The following PHYHIPL variants were observed in gnomAD, a reference collection of about 807,000 sequenced individuals.
PHYHIPL encodes the protein phytanoyl-CoA 2-hydroxylase interacting protein like.
In PHYHIPL, 9 loss-of-function variants were observed where a neutral mutation model predicts 33.4. The ratio of observed to expected loss-of-function variants is 0.27; its 90% CI spans 0.16 to 0.47. The LOEUF (loss-of-function observed/expected upper bound fraction) is 0.47, where lower values mean the gene tolerates loss of function less well. Ranked by LOEUF, PHYHIPL falls within the 20% of genes least tolerant of loss-of-function variation. PHYHIPL has a pLI of 0.99. For synonymous variants in PHYHIPL, 153 were observed against 154.1 expected, an observed-to-expected ratio of 0.99 and a Z score of 0.05; for missense variants, 365 against 460.7, an observed-to-expected ratio of 0.79 and a Z score of 1.90.
chr10:59,242,821 A>G (rs1840450478), intron 4 of PHYHIPL, among the ~76,000 whole-genome samples: 1 of 152,238 alleles, frequency 6.6e-6, no homozygotes, highest in Non-Finnish European at 1.5e-5. Context: ...GAAAAAAATC[A>G]GTAAACTTGA....
At chr10:59,181,309 A>G (rs1008725973) in intron 1 of PHYHIPL, among the ~76,000 whole-genome samples, 2 of 152,094 alleles carry the variant, frequency 1.3e-5, no homozygotes, top group African/African-American at 4.8e-5. Context: ...TCTTAATTTC[A>G]GTTACATGTT....
intron 1 of PHYHIPL, among the ~76,000 whole-genome samples, chr10:59,187,207 A>G (rs1297416774): frequency 6.6e-6 from 1 of 152,192 alleles, no homozygotes; most frequent in East Asian, 1.9e-4. Flanking sequence ...CCTTTTCTGC[A>G]TCTATTGAGA....
At chr10:59,237,121 G>A (rs1318718866) in intron 3 of PHYHIPL, among the ~76,000 whole-genome samples, 1 of 151,214 alleles carries the variant, frequency 6.6e-6, no homozygotes, top group South Asian at 2.1e-4. Flanking sequence ...AATGTTACTA[G>A]ATTTTTCACT....
rs150297928 is a variant in PHYHIPL at position 59,187,320 on chromosome 10, G to A, written c.106+10361G>A. On this transcript the variant is annotated intron_variant, in intron 1 of 4. Coordinates refer to ENST00000373880, the MANE Select transcript of PHYHIPL (RefSeq NM_032439.4). ...TGCATCCCAGGGATGAAGCCGACTTGATTATGGTGGATGAGCTTTTTGATG... is the reference window on the plus strand; with the variant it reads ...TGCATCCCAGGGATGAAGCCGACTTAATTATGGTGGATGAGCTTTTTGATG... Among the ~76,000 whole-genome samples the A allele has an allele frequency of 3.2e-3, 485 of 152,284 alleles. 2 individuals are homozygous for A. Among genetic ancestry groups the A allele is most frequent in the African/African-American group, 0.011 (446 of 41,556 alleles).
intron 1 of PHYHIPL, among the ~76,000 whole-genome samples, chr10:59,228,615 C>T (rs546154148): frequency 6.6e-6 from 1 of 152,226 alleles, no homozygotes; most frequent in South Asian, 2.1e-4. Context: ...AACACACATA[C>T]ACGTAATTAC....
Position 59,236,471 on chromosome 10 carries a change from T to C in PHYHIPL, c.304-12T>C, listed in dbSNP as rs372583031. 15 of 1,530,622 alleles carry C rather than the reference T, an allele frequency of 9.8e-6. No individual in the cohort carries two copies. In the African/African-American group the frequency reaches 2.0e-4, roughly 20 times the overall value. The allele number at this position is 1,530,622 out of a possible 1,614,324, so 94.8% of individuals were successfully genotyped here. A position where few individuals can be genotyped will look rare whatever the true frequency, so the allele number is the denominator to read the frequency against. On this transcript the variant is annotated splice_polypyrimidine_tract_variant and intron_variant, in intron 2 of 4. Transcript: ENST00000373880. ...CTCATTTTTCTCTCTCTCTTCCTTC[T>C]TTCATTCCTAGGATGTTCCCACAAA...
chr10:59,186,994 C>G (rs1312460169), intron 1 of PHYHIPL, among the ~76,000 whole-genome samples: 2 of 150,918 alleles, frequency 1.3e-5, no homozygotes, highest in African/African-American at 2.4e-5. Context: ...GAACTTCCAA[C>G]ACTATGTTGA....
At chr10:59,177,073 C>T in intron 1 of PHYHIPL, 114 bp downstream of exon 1, 1 of 870,740 alleles carries the variant, frequency 1.1e-6, no homozygotes, top group East Asian at 2.7e-5. Flanking sequence ...GTTGTCCCCT[C>T]TGTGCAAATA....
intron 1 of PHYHIPL, among the ~76,000 whole-genome samples, chr10:59,195,739 A>G (rs1838894232): frequency 6.6e-6 from 1 of 152,166 alleles, no homozygotes; most frequent in Admixed American, 6.5e-5. Flanking sequence ...TTTCTGTTGT[A>G]TTCTACTACT....
At chr10:59,210,946 GGA>G in intron 1 of PHYHIPL, among the ~76,000 whole-genome samples, 1 of 152,086 alleles carries the variant, frequency 6.6e-6, no homozygotes, top group Non-Finnish European at 1.5e-5. Context: ...GCTAGGAGAG[GGA>G]TAGCATTAGG....
At chr10:59,220,569 G>A (rs564530174) in intron 1 of PHYHIPL, among the ~76,000 whole-genome samples, 28 of 152,158 alleles carry the variant, frequency 1.8e-4, no homozygotes, top group Non-Finnish European at 3.4e-4. Context: ...GAAAAAAGGT[G>A]CTAGCCTTAA....
chr10:59,193,144 T>G (rs1037481310), intron 1 of PHYHIPL, among the ~76,000 whole-genome samples: 2 of 152,146 alleles, frequency 1.3e-5, no homozygotes, highest in African/African-American at 4.8e-5. Context: ...GCTTATGCCT[T>G]TTGTGTACAT....
chr10:59,234,542 C>A, intron 2 of PHYHIPL, 42 bp downstream of exon 2: 1 of 1,373,746 alleles, frequency 7.3e-7, no homozygotes, highest in South Asian at 1.5e-5. Flanking sequence ...CATCTTAAAA[C>A]TTTCTAAGTA....
intron 1 of PHYHIPL, among the ~76,000 whole-genome samples, chr10:59,230,287 C>T (rs770971328): frequency 3.4e-5 from 5 of 144,934 alleles, no homozygotes; most frequent in Non-Finnish European, 4.5e-5. Flanking sequence ...AATCACAGCT[C>T]ACTGTATCCT....
At chr10:59,208,677 G>GA (rs1366593871) in intron 1 of PHYHIPL, among the ~76,000 whole-genome samples, 15 of 151,910 alleles carry the variant, frequency 9.9e-5, no homozygotes, top group Admixed American at 8.5e-4. Flanking sequence ...TAAGAACCTT[G>GA]AAAAAAGGTT....
At chr10:59,226,186 TAAAATTCCATTAGTAGC>T (rs1839917193) in intron 1 of PHYHIPL, among the ~76,000 whole-genome samples, 1 of 152,080 alleles carries the variant, frequency 6.6e-6, no homozygotes, top group South Asian at 2.1e-4. Context: ...ATACTAATTT[TAAAATTCCATTAGTAGC>T]AAAGAGTGGA....
At position 59,246,424 on chromosome 10, in the gene PHYHIPL, A is replaced by G. The variant is rs891762783; in HGVS notation, c.*833A>G. The G allele has an allele frequency of 1.7e-5, 6 of 359,808 alleles. No individual in the cohort carries two copies. Among genetic ancestry groups the G allele is most frequent in the Admixed American group, 4.6e-5 (1 of 21,698 alleles). 22.3% of individuals were successfully genotyped at this position (359,808 alleles called of 1,614,324 possible). On this transcript the variant is annotated 3_prime_UTR_variant, in exon 5 of 5. Transcript: ENST00000373880. ...AATAAGTCTGTTTCTGAAATAGTCA[A>G]TAGTCTTCCCATCCAAACTATAAGA...
chr10:59,189,006 A>G (rs1838703275), intron 1 of PHYHIPL, among the ~76,000 whole-genome samples: 1 of 152,098 alleles, frequency 6.6e-6, no homozygotes, highest in Admixed American at 6.6e-5. Context: ...CTATCAATAG[A>G]TATGTTTTAA....
At chr10:59,196,965 G>A (rs760348795) in intron 1 of PHYHIPL, among the ~76,000 whole-genome samples, 2 of 152,114 alleles carry the variant, frequency 1.3e-5, no homozygotes, top group Non-Finnish European at 2.9e-5. Context: ...AATTCCCTGG[G>A]CTCTGGAGGT....
Sources: allele counts gnomAD v4.1 joint callset (sites outside exome capture counted in the v4.1 genomes callset), GRCh38; gene constraint gnomAD v4.1.1; transcripts MANE v1.5; gene names NCBI Gene and HGNC (gene_info 2026-07-23, HGNC 2026-07-21).